Variants in ADGRD2 observed in about 807,000 individuals in gnomAD.
ADGRD2 encodes G protein-coupled receptor PGR24.
ADGRD2 carries 71 observed loss-of-function variants against 44.4 expected under a neutral mutation model. That is an observed-to-expected ratio of 1.60 (90% CI 1.32 to 1.95). The LOEUF is 1.95. ADGRD2 is among the 30% of genes most tolerant of loss of function. The pLI is 0.00. For synonymous variants in ADGRD2, 481 were observed against 224.8 expected, an observed-to-expected ratio of 2.14 and a Z score of -10.19; for missense variants, 1,039 against 512.4, an observed-to-expected ratio of 2.03 and a Z score of -9.92.
chr9:124,460,112 C>A (rs1477936078), intron 10 of ADGRD2, among the ~76,000 whole-genome samples: 1 of 151,098 alleles, frequency 6.6e-6, no homozygotes, highest in East Asian at 1.9e-4. Context: ...ACACACACAC[C>A]AACCACAGCT....
At chr9:124,468,524 A>G in exon 14 of ADGRD2, 1 of 718,534 alleles carries the variant, frequency 1.4e-6, no homozygotes, top group Non-Finnish European at 2.6e-6. Flanking sequence ...CACAGGTGGC[A>G]TGTGTGGCTG....
At chr9:124,468,337 G>C (rs188199924) in intron 13 of ADGRD2, 147 bp downstream of exon 16, 10 of 674,030 alleles carry the variant, frequency 1.5e-5, no homozygotes, top group Non-Finnish European at 2.7e-5. Context: ...GCAGGGCCCC[G>C]GGAGGAAAGG....
chr9:124,453,274 G>A, exon 3 of ADGRD2: 1 of 510,688 alleles, frequency 2.0e-6, no homozygotes, highest in Admixed American at 4.3e-5. Context: ...GGTGGTGCGT[G>A]GGCAGCACGC....
At chr9:124,469,453 C>T (rs781302289) in exon 16 of ADGRD2, 30 of 718,056 alleles carry the variant, frequency 4.2e-5, no homozygotes, top group Middle Eastern at 2.3e-4. Context: ...CATCCTGGCC[C>T]GTGTGGTAAT....
At chr9:124,468,702 TCTC>T (rs1397188203) in intron 14 of ADGRD2, 30 bp downstream of exon 17, 6 of 696,252 alleles carry the variant, frequency 8.6e-6, no homozygotes, top group African/African-American at 1.8e-5. Context: ...CACACTCTCT[TCTC>T]CTCAGCTGTA....
chr9:124,463,503 G>A (rs777945243), intron 10 of ADGRD2, among the ~76,000 whole-genome samples: 1 of 152,190 alleles, frequency 6.6e-6, no homozygotes, highest in Non-Finnish European at 1.5e-5. Flanking sequence ...AAATGAGTTG[G>A]GAAGAGAAGA....
At chr9:124,466,155 C>A in intron 10 of ADGRD2, 103 bp from the exon 14 acceptor site, 1 of 477,434 alleles carries the variant, frequency 2.1e-6, no homozygotes, top group Admixed American at 3.7e-5. Flanking sequence ...GCCAAGGTCA[C>A]CTAGCTGGTT....
chr9:124,452,510 C>A, exon 2 of ADGRD2: 1 of 718,514 alleles, frequency 1.4e-6, no homozygotes, highest in Non-Finnish European at 2.6e-6. Context: ...TCGTTTTTAG[C>A]CCCCGTGGCC....
chr9:124,467,674 G>C (rs1420280637), intron 11 of ADGRD2, 47 bp from the exon 15 acceptor site: 1 of 715,618 alleles, frequency 1.4e-6, no homozygotes, highest in Non-Finnish European at 2.6e-6. Context: ...TCTGGCCTGG[G>C]TTGGGTCTGG....
intron 17 of ADGRD2, 79 bp from the exon 21 acceptor site, chr9:124,475,367 C>A: frequency 3.0e-6 from 2 of 668,374 alleles, no homozygotes; most frequent in Non-Finnish European, 5.5e-6. Context: ...TGGGAGGCGC[C>A]GGGACCCCAG....
At chr9:124,466,260 C>G (rs905092771) in exon 11 of ADGRD2, 2 of 637,116 alleles carry the variant, frequency 3.1e-6, no homozygotes, top group Admixed American at 4.7e-5. Context: ...ATCTCAAGAG[C>G]CCCCTGTTCC....
At chr9:124,457,795 C>T (rs963221251) in intron 8 of ADGRD2, among the ~76,000 whole-genome samples, 189 bp downstream of exon 11, 2 of 152,244 alleles carry the variant, frequency 1.3e-5, no homozygotes, top group African/African-American at 4.8e-5. Context: ...TTCACTTACT[C>T]TCCTCCACCG....
At position 124,454,204 on chromosome 9, in the gene ADGRD2, A is replaced by G; in HGVS notation, c.1022+107A>G. 1 of 600,048 alleles carries G rather than the reference A, an allele frequency of 1.7e-6. No individual in the cohort carries two copies. Among genetic ancestry groups the G allele is most frequent in the Non-Finnish European group, 3.0e-6 (1 of 333,958 alleles). 37.2% of individuals were successfully genotyped at this position (600,048 alleles called of 1,614,324 possible). A position where few individuals can be genotyped will look rare whatever the true frequency, so the allele number is the denominator to read the frequency against. ...GGCAAAGTCTGGGAATTCAGAATAA[A>G]CTCAGAGCTTCAAGGTCTCCATGGA... is the stretch of plus-strand genomic sequence containing the variant. On this transcript the variant is annotated intron_variant, in intron 4 of 21. Coordinates refer to ENST00000334810, the Ensembl canonical transcript of ADGRD2. The surrounding 1 kb of genome is among the most constrained non-coding windows in gnomAD (Gnocchi z 4.5).
chr9:124,466,668 G>GGT (rs1831830930), intron 11 of ADGRD2: 1 of 288,016 alleles, frequency 3.5e-6, no homozygotes, highest in Admixed American at 4.9e-5. Flanking sequence ...AAATTAGCCA[G>GGT]GTGTGGTGGC....
chr9:124,460,200 ATT>A (rs749872013), intron 10 of ADGRD2, among the ~76,000 whole-genome samples: 2,599 of 128,392 alleles, frequency 0.02, 58 homozygotes, highest in African/African-American at 0.064. Flanking sequence ...CCACGCTCTG[ATT>A]TTTTTTTTTT....
At chr9:124,469,405 T>A in intron 15 of ADGRD2, 27 bp from the exon 19 acceptor site, 1 of 718,178 alleles carries the variant, frequency 1.4e-6, no homozygotes. Flanking sequence ...GGGGAAGTCC[T>A]CTTGCCCACT....
At chr9:124,462,279 G>A (rs1191088202) in intron 10 of ADGRD2, among the ~76,000 whole-genome samples, 2 of 151,596 alleles carry the variant, frequency 1.3e-5, no homozygotes, top group Non-Finnish European at 2.9e-5. Flanking sequence ...ATGTTGCCCA[G>A]GCTGGTCTCA....
chr9:124,475,577 A>C (rs1832031947), exon 19 of ADGRD2: 1 of 707,266 alleles, frequency 1.4e-6, no homozygotes, highest in South Asian at 1.5e-5. Context: ...CCAGGTGCGG[A>C]GCGCCCTGCA....
At chr9:124,457,071 A>G (rs968574483) in intron 7 of ADGRD2, among the ~76,000 whole-genome samples, 3 of 152,040 alleles carry the variant, frequency 2.0e-5, no homozygotes, top group African/African-American at 7.2e-5. Flanking sequence ...ATCTCCCTCT[A>G]TGGGACACTC....
Sources: allele counts gnomAD v4.1 joint callset (sites outside exome capture counted in the v4.1 genomes callset), GRCh38; gene constraint gnomAD v4.1.1; non-coding constraint Gnocchi (gnomAD v3.1); transcripts MANE v1.5; gene names NCBI Gene and HGNC (gene_info 2026-07-23, HGNC 2026-07-21).